The following RYR3 variants were observed in gnomAD, a reference collection of about 807,000 sequenced individuals.
The protein encoded by RYR3 is ryanodine receptor 3, also known as brain ryanodine receptor-calcium release channel.
Under a neutral mutation model 584.3 loss-of-function variants are expected in RYR3, and 207 were observed. That is an observed-to-expected ratio of 0.35 (90% CI 0.32 to 0.40). The LOEUF (loss-of-function observed/expected upper bound fraction) is 0.40, where lower values mean the gene tolerates loss of function less well. Ranked by LOEUF, RYR3 falls within the 10% of genes least tolerant of loss-of-function variation. RYR3 has a pLI of 1.00. For missense variants in RYR3, 5,616 were observed against 6,089.2 expected (o/e 0.92, Z 2.59); for synonymous variants, 2,416 against 2,248.5 (o/e 1.07, Z -2.11).
At chr15:33,474,421 C>T (rs1346554203) in intron 2 of RYR3, among the ~76,000 whole-genome samples, 1 of 152,196 alleles carries the variant, frequency 6.6e-6, no homozygotes, top group African/African-American at 2.4e-5. Context: ...GGAGTTAATG[C>T]TGTCATCTTG....
At chr15:33,429,049 G>T in intron 1 of RYR3, among the ~76,000 whole-genome samples, 1 of 152,274 alleles carries the variant, frequency 6.6e-6, no homozygotes, top group East Asian at 1.9e-4. Flanking sequence ...ACGACACTTT[G>T]TTTAGTGGGC....
chr15:33,670,754 T>G (rs2339296), intron 38 of RYR3, among the ~76,000 whole-genome samples, 198 bp downstream of exon 38: 134,785 of 152,028 alleles, frequency 0.89, 60,499 homozygotes, highest in Non-Finnish European at 0.95. Context: ...CTTACTTTCA[T>G]ACTGTCCTGA....
intron 47 of RYR3, among the ~76,000 whole-genome samples, chr15:33,730,923 G>T (rs1874276): frequency 0.55 from 83,593 of 152,098 alleles, 24,561 homozygotes; most frequent in Admixed American, 0.7. Flanking sequence ...TGAATTGCTC[G>T]AAGTGCTCAC....
intron 16 of RYR3, among the ~76,000 whole-genome samples, chr15:33,596,164 G>T (rs2059361858): frequency 6.7e-6 from 1 of 148,582 alleles, no homozygotes; most frequent in African/African-American, 2.5e-5. Flanking sequence ...TAACCTTTAA[G>T]TTTTGAATTA....
At chr15:33,740,745 A>T (rs985983071) in intron 51 of RYR3, among the ~76,000 whole-genome samples, 3 of 152,246 alleles carry the variant, frequency 2.0e-5, no homozygotes, top group Admixed American at 6.5e-5. Context: ...GCCTGAGCCT[A>T]TATGAGCCCC....
intron 9 of RYR3, among the ~76,000 whole-genome samples, chr15:33,548,606 C>T (rs994994358): frequency 6.6e-6 from 1 of 152,050 alleles, no homozygotes. Context: ...CAGGTGGTCG[C>T]GATTGCATAA....
chr15:33,456,102 A>G (rs1287755305), intron 1 of RYR3, among the ~76,000 whole-genome samples: 1 of 152,176 alleles, frequency 6.6e-6, no homozygotes, highest in Non-Finnish European at 1.5e-5. Flanking sequence ...CACTTTCAGT[A>G]AGTTCTTTCT....
intron 73 of RYR3, 99 bp from the exon 74 acceptor site, chr15:33,813,368 A>G (rs2076647486): frequency 1.8e-6 from 2 of 1,093,490 alleles, no homozygotes; most frequent in East Asian, 4.7e-5. Flanking sequence ...TTGAGAAGCC[A>G]AAATTCTTCC....
chr15:33,490,633 G>T (rs1462375294), intron 2 of RYR3, among the ~76,000 whole-genome samples: 2 of 151,756 alleles, frequency 1.3e-5, no homozygotes, highest in African/African-American at 4.8e-5. Context: ...ACCTAAAGAT[G>T]AAGAGAGCTT....
At chr15:33,677,379 G>T (rs893215324) in intron 38 of RYR3, among the ~76,000 whole-genome samples, 1 of 152,148 alleles carries the variant, frequency 6.6e-6, no homozygotes. Context: ...TGAGTCCTTC[G>T]CTGTGCCATC....
rs891487945 is a variant in RYR3 at position 33,311,973 on chromosome 15, C to T, written c.51+877C>T. Among the ~76,000 whole-genome samples the T allele has an allele frequency of 6.6e-6, 1 of 152,226 alleles. No individual in the cohort carries two copies. Among genetic ancestry groups the T allele is most frequent in the African/African-American group, 2.4e-5 (1 of 41,460 alleles). On this transcript the variant is annotated intron_variant, in intron 1 of 103. Coordinates refer to ENST00000634891, the MANE Select transcript of RYR3 (RefSeq NM_001036.6). This position sits in a 1 kb window ranked among gnomAD's most constrained non-coding sequence, Gnocchi z 4.4. ...TGGGGGCATTGGGGATGCATCCTAG[C>T]GCTGACTTCAGCCAAGTGACCTTGA...
intron 49 of RYR3, among the ~76,000 whole-genome samples, chr15:33,737,438 C>G (rs2069595394): frequency 6.6e-6 from 1 of 152,238 alleles, no homozygotes; most frequent in Admixed American, 6.5e-5. Context: ...AAAGTGTTAG[C>G]AATGGCTAGC....
chr15:33,825,946 C>T (rs2077358459), intron 82 of RYR3: 4 of 497,788 alleles, frequency 8.0e-6, no homozygotes, highest in Middle Eastern at 1.1e-3. Context: ...GTTGGCCAGG[C>T]TGGTCTTGAA....
chr15:33,719,524 G>T (rs2067745817), intron 43 of RYR3, among the ~76,000 whole-genome samples: 1 of 152,140 alleles, frequency 6.6e-6, no homozygotes. Context: ...ACAGAGTTGG[G>T]TTTTTTCCTC....
At chr15:33,362,010 A>G (rs1394282484) in intron 1 of RYR3, among the ~76,000 whole-genome samples, 2 of 152,166 alleles carry the variant, frequency 1.3e-5, no homozygotes, top group Non-Finnish European at 2.9e-5. Flanking sequence ...AAGTTGCCGC[A>G]TTCCCAAGGC....
At chr15:33,689,171 A>G (rs2065232536) in intron 38 of RYR3, among the ~76,000 whole-genome samples, 1 of 134,638 alleles carries the variant, frequency 7.4e-6, no homozygotes, top group African/African-American at 2.8e-5. Context: ...GAATTGAACA[A>G]TGAGAACCCT....
intron 12 of RYR3, among the ~76,000 whole-genome samples, chr15:33,572,236 A>G (rs1315092180): frequency 6.6e-6 from 1 of 152,120 alleles, no homozygotes; most frequent in Non-Finnish European, 1.5e-5. Flanking sequence ...TGTTTCTGGT[A>G]TTTACCTGCA....
intron 103 of RYR3, 100 bp downstream of exon 103, chr15:33,864,289 T>A (rs373710189): frequency 2.0e-5 from 18 of 893,422 alleles, no homozygotes; most frequent in East Asian, 5.4e-5. Context: ...ATGGCCCCAT[T>A]AATCCCGTGA....
intron 93 of RYR3, among the ~76,000 whole-genome samples, 193 bp downstream of exon 93, chr15:33,845,255 T>C (rs781679362): frequency 2.0e-5 from 3 of 152,102 alleles, no homozygotes; most frequent in Non-Finnish European, 4.4e-5. Context: ...GGTTTTCTTC[T>C]GTTGTTGTTG....
Sources: gnomAD v4.1 joint callset for allele counts (sites outside exome capture counted in the v4.1 genomes callset) on GRCh38, gnomAD v4.1.1 for gene constraint, Gnocchi (gnomAD v3.1) non-coding constraint, MANE v1.5 for transcripts, NCBI Gene and HGNC (gene_info 2026-07-23, HGNC 2026-07-21) for gene names.